Variants in SLC39A11 observed in about 807,000 individuals in gnomAD.
SLC39A11 encodes the protein zinc transporter ZIP11.
A neutral mutation model predicts 36.1 loss-of-function variants in SLC39A11; 33 were observed. That is an observed-to-expected ratio of 0.91 (90% CI 0.69 to 1.22). SLC39A11 has a LOEUF of 1.22. SLC39A11 is among the 50% of genes most tolerant of loss of function. SLC39A11 has a pLI of 0.00. For synonymous variants in SLC39A11, 166 were observed against 170.3 expected, an observed-to-expected ratio of 0.97 and a Z score of 0.20; for missense variants, 432 against 430.3, an observed-to-expected ratio of 1.00 and a Z score of -0.03.
intron 5 of SLC39A11, among the ~76,000 whole-genome samples, chr17:72,886,002 TTC>T (rs2081421131): frequency 6.6e-6 from 1 of 152,186 alleles, no homozygotes; most frequent in Non-Finnish European, 1.5e-5. Context: ...CTTTCAGCAT[TTC>T]TTTCACATGT....
intron 6 of SLC39A11, among the ~76,000 whole-genome samples, chr17:72,754,320 A>G (rs1309200785): frequency 6.6e-6 from 1 of 151,996 alleles, no homozygotes; most frequent in Non-Finnish European, 1.5e-5. Flanking sequence ...GTGAGGGATA[A>G]AAGACTACAA....
chr17:72,662,319 GGAAA>G (rs759863917), intron 7 of SLC39A11, among the ~76,000 whole-genome samples: 25 of 137,948 alleles, frequency 1.8e-4, no homozygotes, highest in African/African-American at 5.1e-4. Context: ...AAAGAAAAGA[GGAAA>G]GAAAGAAAGA....
At chr17:73,019,314 CACTTT>C (rs2058267087) in intron 4 of SLC39A11, among the ~76,000 whole-genome samples, 1 of 152,102 alleles carries the variant, frequency 6.6e-6, no homozygotes, top group African/African-American at 2.4e-5. Context: ...GACTTTTTCT[CACTTT>C]AAAGTTTCTT....
At chr17:72,908,275 C>T (rs1442961141) in intron 5 of SLC39A11, among the ~76,000 whole-genome samples, 2 of 152,202 alleles carry the variant, frequency 1.3e-5, no homozygotes, top group East Asian at 3.9e-4. Flanking sequence ...TGGGGGCCTC[C>T]ACTTTTTCTC....
chr17:72,697,534 C>T (rs1228890821), intron 7 of SLC39A11, among the ~76,000 whole-genome samples: 6 of 152,122 alleles, frequency 3.9e-5, no homozygotes, highest in Non-Finnish European at 8.8e-5. Flanking sequence ...CCATCAGTGC[C>T]CATCACCACC....
intron 4 of SLC39A11, among the ~76,000 whole-genome samples, chr17:72,952,585 C>A (rs1022745823): frequency 1.3e-5 from 2 of 152,228 alleles, no homozygotes; most frequent in African/African-American, 4.8e-5. Flanking sequence ...TTGGCCCGTG[C>A]ATGAGGAACC....
chr17:72,739,623 C>T (rs751498494), intron 6 of SLC39A11, among the ~76,000 whole-genome samples: 2 of 152,134 alleles, frequency 1.3e-5, no homozygotes, highest in African/African-American at 4.8e-5. Context: ...CAGACAGCAG[C>T]ATCAAGCCTT....
At chr17:72,781,554 G>A (rs1285360338) in intron 6 of SLC39A11, among the ~76,000 whole-genome samples, 1 of 152,062 alleles carries the variant, frequency 6.6e-6, no homozygotes, top group Admixed American at 6.5e-5. Flanking sequence ...CTCCCGAGTG[G>A]CTGGGATTAC....
At chr17:73,042,972 G>T (rs2059157938) in intron 3 of SLC39A11, among the ~76,000 whole-genome samples, 1 of 152,178 alleles carries the variant, frequency 6.6e-6, no homozygotes, top group African/African-American at 2.4e-5. Context: ...CCAGGGGGTT[G>T]CAAGAGAGGA....
chr17:73,024,968 G>A (rs888274474), intron 4 of SLC39A11, among the ~76,000 whole-genome samples: 2 of 144,408 alleles, frequency 1.4e-5, no homozygotes, highest in African/African-American at 5.1e-5. Flanking sequence ...CACCCACCTC[G>A]GCCTCCCAAA....
intron 5 of SLC39A11, among the ~76,000 whole-genome samples, chr17:72,875,897 G>C (rs2080876660): frequency 6.6e-6 from 1 of 152,146 alleles, no homozygotes; most frequent in African/African-American, 2.4e-5. Context: ...TGCCATATCA[G>C]CTTAACACTG....
intron 5 of SLC39A11, among the ~76,000 whole-genome samples, chr17:72,902,389 C>T (rs534897666): frequency 1.3e-5 from 2 of 151,966 alleles, no homozygotes; most frequent in East Asian, 3.9e-4. Context: ...CTAAAAATAG[C>T]TGGGGCTACC....
chr17:72,896,798 C>T (rs1284094152), intron 5 of SLC39A11, among the ~76,000 whole-genome samples: 1 of 151,852 alleles, frequency 6.6e-6, no homozygotes, highest in East Asian at 1.9e-4. Context: ...CACCTGTAAT[C>T]CCAGCATTTG....
At chr17:72,906,333 T>C (rs970199827) in intron 5 of SLC39A11, among the ~76,000 whole-genome samples, 1 of 152,206 alleles carries the variant, frequency 6.6e-6, no homozygotes, top group African/African-American at 2.4e-5. Flanking sequence ...CCAAGGAGTC[T>C]AAAATAGTCA....
chr17:73,080,148 T>A (rs2060464755), intron 3 of SLC39A11, among the ~76,000 whole-genome samples: 1 of 152,086 alleles, frequency 6.6e-6, no homozygotes, highest in Admixed American at 6.6e-5. Flanking sequence ...CTAAAATTCG[T>A]ATGGAACCAA....
At chr17:72,676,070 T>TCTCA (rs1555634314) in intron 7 of SLC39A11, among the ~76,000 whole-genome samples, 13,013 of 129,914 alleles carry the variant, frequency 0.1, 701 homozygotes, top group East Asian at 0.23. Context: ...TCACAATGTT[T>TCTCA]CACACACACA....
At chr17:73,054,807 CAAAA>C (rs5821939) in intron 3 of SLC39A11, among the ~76,000 whole-genome samples, 2 of 113,226 alleles carry the variant, frequency 1.8e-5, no homozygotes, top group Admixed American at 9.5e-5. Flanking sequence ...GATTCCGTCT[CAAAA>C]AAAAAAAAAA....
At chr17:73,009,101 C>A (rs1173597380) in intron 4 of SLC39A11, among the ~76,000 whole-genome samples, 21 of 149,140 alleles carry the variant, frequency 1.4e-4, no homozygotes, top group Non-Finnish European at 3.0e-5. Context: ...GGGTGGCTCA[C>A]GCCTGTAATT....
In SLC39A11 at chr17:72,729,441, ATATATATATATATATATTT is replaced by A. The variant is rs2074107645; in HGVS notation, c.671+7190_671+7208del. Among the ~76,000 whole-genome samples, 5 of 2,236 alleles carry A rather than the reference ATATATATATATATATATTT, an allele frequency of 2.2e-3. 1 individual carries two copies. The highest frequency in any genetic ancestry group is 0.03 in the South Asian group (2 of 66). The allele number at this position is 2,236 out of a possible 152,430, so 1.5% of individuals were successfully genotyped here. A position where few individuals can be genotyped will look rare whatever the true frequency, so the allele number is the denominator to read the frequency against. On this transcript the variant is annotated intron_variant, in intron 7 of 9. Transcript: ENST00000255559. The stretch of plus-strand genomic sequence containing the variant: ...TATATATATATATATATATATATAT[ATATATATATATATATATTT>A]TTTTTTTTTTTTTTTTTTGTAGAGA...
Sources: allele counts gnomAD v4.1 joint callset (sites outside exome capture counted in the v4.1 genomes callset), GRCh38; gene constraint gnomAD v4.1.1; transcripts MANE v1.5; gene names NCBI Gene and HGNC (gene_info 2026-07-23, HGNC 2026-07-21).